SLC25A24: variants seen among roughly 807,000 people sequenced by gnomAD.
The protein encoded by SLC25A24 is mitochondrial adenyl nucleotide antiporter SLC25A24.
In SLC25A24, 49 loss-of-function variants were observed where a neutral mutation model predicts 60.7. That is an observed-to-expected ratio of 0.81 (90% CI 0.64 to 1.02). The LOEUF (loss-of-function observed/expected upper bound fraction) is 1.02, where lower values mean the gene tolerates loss of function less well. Ranked by LOEUF, SLC25A24 falls within the 50% of genes least tolerant of loss-of-function variation. SLC25A24 has a pLI of 0.00. For synonymous variants in SLC25A24, 202 were observed against 200.6 expected, an observed-to-expected ratio of 1.01 and a Z score of -0.06; for missense variants, 564 against 586.3, an observed-to-expected ratio of 0.96 and a Z score of 0.39.
intron 3 of SLC25A24, among the ~76,000 whole-genome samples, chr1:108,179,403 T>C (rs1647832116): frequency 6.6e-6 from 1 of 152,110 alleles, no homozygotes; most frequent in Non-Finnish European, 1.5e-5. Flanking sequence ...TGTGTGTGTA[T>C]ACATATATAT....
In SLC25A24 at chr1:108,135,479, A is replaced by G. The variant is rs1346724773; in HGVS notation, c.*1174T>C. 1 of 152,396 alleles carries G rather than the reference A, an allele frequency of 6.6e-6. No individual in the cohort carries two copies. Among genetic ancestry groups the G allele is most frequent in the Non-Finnish European group, 1.5e-5 (1 of 68,016 alleles). The allele number at this position is 152,396 out of a possible 1,614,324, so 9.4% of individuals were successfully genotyped here. On this transcript the variant is annotated 3_prime_UTR_variant, in exon 10 of 10. Coordinates refer to ENST00000565488, the MANE Select transcript of SLC25A24 (RefSeq NM_013386.5). ...AAATAAGAAAAGATAGTTGACTATA[A>G]AAATGGCTTTAGTAAAATAAAAAAA...
At chr1:108,147,742 G>T (rs983657503) in intron 7 of SLC25A24, among the ~76,000 whole-genome samples, 1 of 151,830 alleles carries the variant, frequency 6.6e-6, no homozygotes, top group African/African-American at 2.4e-5. Flanking sequence ...AGCCTCTAAA[G>T]TGGCAGCCAG....
intron 4 of SLC25A24, among the ~76,000 whole-genome samples, chr1:108,160,006 C>G (rs891221633): frequency 6.6e-6 from 1 of 152,198 alleles, no homozygotes; most frequent in Non-Finnish European, 1.5e-5. Context: ...GGGTGGTGGC[C>G]GGGCAGAGGG....
chr1:108,180,724 A>G (rs922449585), intron 3 of SLC25A24, among the ~76,000 whole-genome samples: 1 of 151,772 alleles, frequency 6.6e-6, no homozygotes, highest in Admixed American at 6.6e-5. Flanking sequence ...GAGAGCCCTC[A>G]CTACAACCCA....
intron 7 of SLC25A24, among the ~76,000 whole-genome samples, chr1:108,144,451 T>A (rs1679531311): frequency 6.6e-6 from 1 of 152,214 alleles, no homozygotes; most frequent in Non-Finnish European, 1.5e-5. Flanking sequence ...AAAATTGTAC[T>A]TTAAGTTCTG....
Position 108,191,636 on chromosome 1 carries a change from T to C in SLC25A24, c.184-5682A>G, listed in dbSNP as rs151035259. 3.7e-4 allele frequency among the ~76,000 whole-genome samples: 52 copies of C among 139,528 alleles called. 5 individuals carry two copies. Among genetic ancestry groups the C allele is most frequent in the African/African-American group, 1.1e-3 (46 of 40,212 alleles). 91.5% of individuals were successfully genotyped at this position (139,528 alleles called of 152,430 possible). On this transcript the variant is annotated intron_variant, in intron 1 of 9. Transcript: ENST00000565488. The stretch of plus-strand genomic sequence containing the variant: ...TAGAACTGACCCATGACTGAATGGA[T>C]GCTTCAATATTCCCAAAGTTCACAT...
At chr1:108,138,730 G>T (rs914650825) in intron 9 of SLC25A24, among the ~76,000 whole-genome samples, 3 of 152,062 alleles carry the variant, frequency 2.0e-5, no homozygotes, top group African/African-American at 7.2e-5. Flanking sequence ...CTGAGGCAAG[G>T]ATCTGAACCC....
At position 108,148,372 on chromosome 1, in the gene SLC25A24, A is replaced by T. The variant is rs1357583793; in HGVS notation, c.837T>A (p.Leu279=). ...FWAYEQYKKL[L]TEEGQKIGTF... ...TTCCTATTTTTTGTCCTTCTTCAGT[A>T]AGTAACTTCTTGTACTGTATAAACA... Residue 279 remains leucine (L), a synonymous_variant, in exon 7 of 10, where the codon CTT becomes CTA. Coordinates refer to ENST00000565488, the MANE Select transcript of SLC25A24 (RefSeq NM_013386.5). The T allele has an allele frequency of 6.2e-7, 1 of 1,604,436 alleles. No homozygotes were observed. Among genetic ancestry groups the T allele is most frequent in the Admixed American group, 1.7e-5 (1 of 59,982 alleles).
intron 6 of SLC25A24, among the ~76,000 whole-genome samples, chr1:108,150,055 C>G (rs944764928): frequency 3.3e-5 from 5 of 152,152 alleles, no homozygotes; most frequent in African/African-American, 1.2e-4. Flanking sequence ...TGCATAGGCC[C>G]TATTAATTTT....
intron 3 of SLC25A24, among the ~76,000 whole-genome samples, chr1:108,173,936 A>G (rs1012516057): frequency 6.6e-6 from 1 of 152,084 alleles, no homozygotes; most frequent in African/African-American, 2.4e-5. Context: ...AACCTAAGAG[A>G]GATGATTTGG....
At chr1:108,157,422 A>C (rs1268647455) in intron 5 of SLC25A24, 40 bp downstream of exon 5, 3 of 1,552,768 alleles carry the variant, frequency 1.9e-6, no homozygotes, top group African/African-American at 2.7e-5. Flanking sequence ...TTGTTTTAGA[A>C]TATTTAGGGC....
At chr1:108,179,316 T>C (rs1424407648) in intron 3 of SLC25A24, among the ~76,000 whole-genome samples, 1 of 152,166 alleles carries the variant, frequency 6.6e-6, no homozygotes. Flanking sequence ...ACAGCCATTA[T>C]GGAAAGCAGT....
chr1:108,199,493 A>T, intron 1 of SLC25A24: 1 of 188,038 alleles, frequency 5.3e-6, no homozygotes. Context: ...TGGTTTTCAA[A>T]CAGTTTTCAA....
rs926271555 is a variant in SLC25A24, at chr1:108,135,570, G to A, written c.*1083C>T. Reference sequence around the variant, plus strand: ...TGTTCCTAAAACTTGGGGCAAGAGAGAATATGAATGTATATGTTTACAAAT... The same window carrying A: ...TGTTCCTAAAACTTGGGGCAAGAGAAAATATGAATGTATATGTTTACAAAT... On this transcript the variant is annotated 3_prime_UTR_variant, in exon 10 of 10. Coordinates refer to ENST00000565488, the MANE Select transcript of SLC25A24 (RefSeq NM_013386.5). The A allele has an allele frequency of 1.3e-5, 2 of 152,170 alleles. No individual in the cohort carries two copies. Among genetic ancestry groups the A allele is most frequent in the Admixed American group, 6.5e-5 (1 of 15,278 alleles). The allele number at this position is 152,170 out of a possible 1,614,324, so 9.4% of individuals were successfully genotyped here.
chr1:108,185,465 T>G (rs112823063), intron 2 of SLC25A24, among the ~76,000 whole-genome samples: 17 of 152,224 alleles, frequency 1.1e-4, no homozygotes, highest in African/African-American at 3.1e-4. Flanking sequence ...TCTATACAAA[T>G]AAAAAGAAAT....
At chr1:108,150,278 A>G (rs1019345925) in intron 6 of SLC25A24, among the ~76,000 whole-genome samples, 5 of 152,190 alleles carry the variant, frequency 3.3e-5, no homozygotes, top group Non-Finnish European at 7.3e-5. Flanking sequence ...ATACAAAGGG[A>G]AGACTTCAGG....
Position 108,200,282 on chromosome 1 carries a change from CGCGCAGG to C in SLC25A24, c.-151_-145del, listed in dbSNP as rs150513527. ...GGCGCCGTCGGGGTTGCGGCTGCGG[CGCGCAGG>C]GCGCAGGGCGCAGGAGCGGAGACCC... On this transcript the variant is annotated 5_prime_UTR_variant, in exon 1 of 10. Transcript: ENST00000565488. 0.17 allele frequency: 108,451 copies of C among 638,082 alleles called. 12,695 individuals are homozygous for C. The highest frequency in any genetic ancestry group is 0.31 in the African/African-American group (15,703 of 50,818). The allele number at this position is 638,082 out of a possible 1,614,324, so 39.5% of individuals were successfully genotyped here.
chr1:108,171,536 A>G (rs1647461166), intron 3 of SLC25A24, among the ~76,000 whole-genome samples: 1 of 152,164 alleles, frequency 6.6e-6, no homozygotes, highest in Non-Finnish European at 1.5e-5. Context: ...CCAGGGCTGT[A>G]TATGTCCTTT....
At chr1:108,160,221 C>G (rs1473125438) in intron 4 of SLC25A24, among the ~76,000 whole-genome samples, 2 of 151,922 alleles carry the variant, frequency 1.3e-5, no homozygotes, top group Non-Finnish European at 2.9e-5. Context: ...AGCAGAGGCG[C>G]TCCTCACATC....
Sources: gnomAD v4.1 joint callset for allele counts (sites outside exome capture counted in the v4.1 genomes callset) on GRCh38, gnomAD v4.1.1 for gene constraint, MANE v1.5 for transcripts, NCBI Gene and HGNC (gene_info 2026-07-23, HGNC 2026-07-21) for gene names.